ZBTB8A: variants seen among roughly 807,000 people sequenced by gnomAD.
The protein encoded by ZBTB8A is zinc finger and BTB domain-containing protein 8A.
A neutral mutation model predicts 37.8 loss-of-function variants in ZBTB8A; 19 were observed. The observed-to-expected ratio is 0.50, with a 90% CI of 0.35 to 0.74. The LOEUF is 0.74. ZBTB8A is among the 30% of genes least tolerant of loss of function. ZBTB8A has a pLI of 0.01. For synonymous variants in ZBTB8A, 181 were observed against 185.2 expected (o/e 0.98, Z 0.19); for missense variants, 394 against 537.8 (o/e 0.73, Z 2.65).
At chr1:32,573,622 C>T (rs922849945) in intron 2 of ZBTB8A, among the ~76,000 whole-genome samples, 4 of 147,664 alleles carry the variant, frequency 2.7e-5, no homozygotes, top group Non-Finnish European at 6.0e-5. Flanking sequence ...TTTGTAGAGA[C>T]AGGGTTTCAC....
rs554737854 is a variant in ZBTB8A, at chr1:32,556,363, C to T, written c.-2+2823C>T. 2.0e-3 allele frequency among the ~76,000 whole-genome samples: 308 copies of T among 151,804 alleles called. 1 individual carries two copies. The highest frequency in any genetic ancestry group is 7.1e-3 in the African/African-American group (296 of 41,422). The stretch of plus-strand genomic sequence containing the variant: ...GATGACAGGTGTGATCTACCATGCC[C>T]GGCCACAATTTTTTATTTTTTAGAG... On this transcript the variant is annotated intron_variant, in intron 2 of 4. Coordinates refer to ENST00000373510, the MANE Select transcript of ZBTB8A (RefSeq NM_001040441.3).
intron 2 of ZBTB8A, among the ~76,000 whole-genome samples, chr1:32,570,068 A>G (rs1224283928): frequency 1.3e-5 from 2 of 152,208 alleles, no homozygotes; most frequent in Admixed American, 1.3e-4. Context: ...GAAAATTTGT[A>G]TGTTGTGTAA....
intron 2 of ZBTB8A, among the ~76,000 whole-genome samples, chr1:32,567,825 A>AAAAAAAAC (rs1644294123): frequency 6.3e-5 from 4 of 63,674 alleles, no homozygotes; most frequent in African/African-American, 1.4e-4. Flanking sequence ...AAAAAAAAAC[A>AAAAAAAAC]AAAACAAAAC....
In ZBTB8A at chr1:32,603,706, A is replaced by G. The variant is rs1644595357; in HGVS notation, c.*3287A>G. ...TTTACATACATCAGCATGAATATCC[A>G]ACATTCACTGAACACAGTGCCACCA... On this transcript the variant is annotated 3_prime_UTR_variant, in exon 5 of 5. Transcript: ENST00000373510. 6.6e-6 allele frequency: 1 copy of G among 152,666 alleles called. No individual in the cohort carries two copies. Among genetic ancestry groups the G allele is most frequent in the Admixed American group, 6.5e-5 (1 of 15,276 alleles). The allele number at this position is 152,666 out of a possible 1,614,324, so 9.5% of individuals were successfully genotyped here.
chr1:32,576,421 T>C (rs975799678), intron 2 of ZBTB8A, among the ~76,000 whole-genome samples: 1 of 152,192 alleles, frequency 6.6e-6, no homozygotes, highest in Non-Finnish European at 1.5e-5. Context: ...CACATTTCAC[T>C]AAAGCTCCGT....
intron 1 of ZBTB8A, among the ~76,000 whole-genome samples, chr1:32,550,310 A>G (rs910674959): frequency 6.6e-6 from 1 of 152,154 alleles, no homozygotes; most frequent in Admixed American, 6.6e-5. Flanking sequence ...GGCACAGACC[A>G]TGCTCAGAAA....
chr1:32,550,175 T>C lies in ZBTB8A; in HGVS notation c.-83-3284T>C, dbSNP rs143766011. ...GAGTTCAAGACCAGCCTGGGCAATA[T>C]ATCGAGACCCTTTAAAAAAAGGATC... is the stretch of plus-strand genomic sequence containing the variant. On this transcript the variant is annotated intron_variant, in intron 1 of 4. Coordinates refer to ENST00000373510, the MANE Select transcript of ZBTB8A (RefSeq NM_001040441.3). Among the ~76,000 whole-genome samples, 240 of 151,826 alleles carry C rather than the reference T, an allele frequency of 1.6e-3. 1 individual carries two copies. The highest frequency in any genetic ancestry group is 0.012 in the Admixed American group (181 of 15,210).
At chr1:32,580,427 A>G (rs564000668) in intron 2 of ZBTB8A, among the ~76,000 whole-genome samples, 1 of 152,064 alleles carries the variant, frequency 6.6e-6, no homozygotes, top group African/African-American at 2.4e-5. Context: ...GCACATGCCT[A>G]TAGTCCCAGC....
chr1:32,600,372 G>A lies in ZBTB8A; in HGVS notation c.1279G>A (p.Asp427Asn). ...SADLVIQQVD[D>N]SEEEEEKEIK... ...TGATCTGGTCATCCAACAGGTTGAT[G>A]ATAGTGAAGAAGAAGAAGAAAAAGA... is the stretch of plus-strand genomic sequence containing the variant. The change falls in exon 5 of 5, where the codon GAT (aspartate) becomes AAT (asparagine). Residue 427 changes from aspartate to asparagine, a missense_variant. Around this residue, in one of 4 missense-constraint regions of ZBTB8A, gnomAD observed 85 missense variants for 89.0 expected, o/e 0.95. Transcript: ENST00000373510. The A allele has an allele frequency of 3.1e-6, 5 of 1,613,708 alleles. No individual in the cohort carries two copies. Among genetic ancestry groups the A allele is most frequent in the Non-Finnish European group, 4.2e-6 (5 of 1,179,796 alleles).
intron 2 of ZBTB8A, among the ~76,000 whole-genome samples, chr1:32,559,532 C>T (rs573370066): frequency 2.0e-5 from 3 of 152,030 alleles, no homozygotes; most frequent in Non-Finnish European, 2.9e-5. Context: ...GGCATGATCA[C>T]GGCTCGCTGC....
chr1:32,587,929 C>T (rs1209719940), intron 2 of ZBTB8A, among the ~76,000 whole-genome samples: 4 of 152,002 alleles, frequency 2.6e-5, no homozygotes, highest in Non-Finnish European at 5.9e-5. Flanking sequence ...TCAGTTATGC[C>T]TACATAATGA....
At chr1:32,594,326 A>G (rs1644512879) in intron 3 of ZBTB8A, among the ~76,000 whole-genome samples, 1 of 152,206 alleles carries the variant, frequency 6.6e-6, no homozygotes, top group East Asian at 1.9e-4. Flanking sequence ...TGATTTTCCA[A>G]ACCTGTATCT....
intron 2 of ZBTB8A, among the ~76,000 whole-genome samples, chr1:32,580,392 T>C (rs1274760285): frequency 6.6e-6 from 1 of 152,026 alleles, no homozygotes; most frequent in Non-Finnish European, 1.5e-5. Flanking sequence ...ACTCCGTCTC[T>C]ACTAAAAATT....
intron 2 of ZBTB8A, among the ~76,000 whole-genome samples, chr1:32,560,691 C>A (rs188256580): frequency 7.6e-6 from 1 of 131,598 alleles, no homozygotes; most frequent in Admixed American, 8.9e-5. Context: ...GGTGCAACTT[C>A]AGTTCATTGC....
chr1:32,594,659 C>T (rs1472429271), intron 3 of ZBTB8A, among the ~76,000 whole-genome samples: 1 of 151,624 alleles, frequency 6.6e-6, no homozygotes, highest in Non-Finnish European at 1.5e-5. Context: ...TACTCAGGAG[C>T]CTGAGGCAGA....
rs1429748876 is a variant in ZBTB8A at position 32,554,299 on chromosome 1, C to T, written c.-2+759C>T. On this transcript the variant is annotated intron_variant, in intron 2 of 4. Transcript: ENST00000373510. ...GAAATTCACTGTCTAAGATGTTCAG[C>T]GTTCTGATTTTTTTGGTCTCCCTGT... Among the ~76,000 whole-genome samples the T allele has an allele frequency of 1.1e-4, 17 of 149,572 alleles. No homozygotes were observed. In the East Asian group the frequency reaches 2.9e-3, roughly 26 times the overall value.
Position 32,556,481 on chromosome 1 carries a change from C to T in ZBTB8A, c.-2+2941C>T, listed in dbSNP as rs184970817. 1.5e-3 allele frequency among the ~76,000 whole-genome samples: 221 copies of T among 152,298 alleles called. 1 individual carries two copies. The highest frequency in any genetic ancestry group is 4.4e-3 in the African/African-American group (183 of 41,560). ...CTCCTGGGCCTAAGCAATCCACTGT[C>T]TGTGCCTCCCAAGTAGCTGGGACCA... On this transcript the variant is annotated intron_variant, in intron 2 of 4. Transcript: ENST00000373510.
chr1:32,560,208 A>C (rs537273336), intron 2 of ZBTB8A, among the ~76,000 whole-genome samples: 52 of 152,130 alleles, frequency 3.4e-4, no homozygotes, highest in Non-Finnish European at 6.8e-4. Flanking sequence ...CTCTGCCCCA[A>C]TGGTCCAATC....
rs904078960 is a variant in ZBTB8A, at chr1:32,601,474, C to CA, written c.*1065dup. 0.014 allele frequency: 4,419 copies of CA among 322,566 alleles called. 1 individual carries two copies. Among genetic ancestry groups the CA allele is most frequent in the Middle Eastern group, 0.02 (24 of 1,200 alleles). The allele number at this position is 322,566 out of a possible 1,614,324, so 20.0% of individuals were successfully genotyped here. On this transcript the variant is annotated 3_prime_UTR_variant, in exon 5 of 5. Transcript: ENST00000373510. ...GGGCAACAAGAGCGAAACTCCGTCTCAAAAAAAAAAGGAAAACAAACTAGG... is the reference window on the plus strand; with the variant it reads ...GGGCAACAAGAGCGAAACTCCGTCTCAAAAAAAAAAAGGAAAACAAACTAGG...
Sources: allele counts gnomAD v4.1 joint callset (sites outside exome capture counted in the v4.1 genomes callset), GRCh38; gene constraint gnomAD v4.1.1; regional missense constraint gnomAD v4.1.1; transcripts MANE v1.5; gene names NCBI Gene and HGNC (gene_info 2026-07-23, HGNC 2026-07-21).